Variants in GAB1 observed in about 807,000 individuals in gnomAD.
The protein encoded by GAB1 is GRB2-associated-binding protein 1.
GAB1 carries 19 observed loss-of-function variants against 66.5 expected under a neutral mutation model. That is an observed-to-expected ratio of 0.29 (90% CI 0.20 to 0.42). The LOEUF (loss-of-function observed/expected upper bound fraction) is 0.42, where lower values mean the gene tolerates loss of function less well. GAB1 is among the 10% of genes least tolerant of loss of function. The probability of loss-of-function intolerance (pLI) is 1.00; values close to 1 mark genes in which losing one functional copy is unlikely to be tolerated. For missense variants in GAB1, 732 were observed against 858.5 expected, an observed-to-expected ratio of 0.85 and a Z score of 1.84; for synonymous variants, 294 against 301.4, an observed-to-expected ratio of 0.98 and a Z score of 0.25.
chr4:143,425,758 C>T (rs1733317753), intron 2 of GAB1: 1 of 763,832 alleles, frequency 1.3e-6, no homozygotes, highest in Non-Finnish European at 2.4e-6. Context: ...CCTGAGTTCA[C>T]TGCTACTCAG....
intron 8 of GAB1, 90 bp from the exon 9 acceptor site, chr4:143,466,013 C>G (rs1653113059): frequency 5.6e-6 from 8 of 1,423,292 alleles, no homozygotes; most frequent in Non-Finnish European, 7.6e-6. Flanking sequence ...CTCTTGAAAG[C>G]AAATATTTAG....
intron 1 of GAB1, among the ~76,000 whole-genome samples, chr4:143,384,561 C>T (rs946761124): frequency 1.3e-5 from 2 of 152,148 alleles, no homozygotes; most frequent in Non-Finnish European, 1.5e-5. Flanking sequence ...TCCTCATGAT[C>T]GATGCCAAGC....
At chr4:143,340,440 A>T (rs11735159) in intron 1 of GAB1, among the ~76,000 whole-genome samples, 1 of 152,200 alleles carries the variant, frequency 6.6e-6, no homozygotes, top group Non-Finnish European at 1.5e-5. Flanking sequence ...CAGCATTTAT[A>T]GGGTAGTCCG....
intron 1 of GAB1, among the ~76,000 whole-genome samples, chr4:143,401,626 T>C (rs1731777785): frequency 6.6e-6 from 1 of 152,166 alleles, no homozygotes; most frequent in Non-Finnish European, 1.5e-5. Flanking sequence ...AATTCTAGCA[T>C]GGTAAGCAAG....
intron 1 of GAB1, among the ~76,000 whole-genome samples, chr4:143,339,086 T>C (rs13133540): frequency 0.097 from 14,697 of 152,298 alleles, 788 homozygotes; most frequent in African/African-American, 0.14. Context: ...ATTTGATCAT[T>C]ACAACTGTTT....
intron 1 of GAB1, among the ~76,000 whole-genome samples, chr4:143,385,298 C>T (rs1209186923): frequency 1.3e-5 from 2 of 152,224 alleles, no homozygotes; most frequent in East Asian, 1.9e-4. Flanking sequence ...CATCTGACCT[C>T]CCTGTGTAGG....
chr4:143,387,239 C>G (rs1421842034), intron 1 of GAB1, among the ~76,000 whole-genome samples: 1 of 152,194 alleles, frequency 6.6e-6, no homozygotes, highest in Non-Finnish European at 1.5e-5. Flanking sequence ...TCAAGCAATT[C>G]TCCTGCCTCA....
chr4:143,388,812 T>C (rs927498031), intron 1 of GAB1, among the ~76,000 whole-genome samples: 1 of 152,208 alleles, frequency 6.6e-6, no homozygotes, highest in African/African-American at 2.4e-5. Flanking sequence ...AAAAATCTAT[T>C]TAACTGTTTT....
chr4:143,409,410 T>A (rs1008979915), intron 1 of GAB1, among the ~76,000 whole-genome samples: 2 of 147,344 alleles, frequency 1.4e-5, no homozygotes, highest in Non-Finnish European at 3.0e-5. Context: ...CTGAAATCTT[T>A]TCATTTAGTC....
At chr4:143,365,735 G>T (rs944257861) in intron 1 of GAB1, among the ~76,000 whole-genome samples, 1 of 152,204 alleles carries the variant, frequency 6.6e-6, no homozygotes. Context: ...GGGAGCTTTC[G>T]TGGCTGGCCA....
At chr4:143,445,763 T>A (rs1235634994) in intron 6 of GAB1, among the ~76,000 whole-genome samples, 8 of 152,138 alleles carry the variant, frequency 5.3e-5, no homozygotes, top group African/African-American at 1.7e-4. Flanking sequence ...GTTTACATGG[T>A]GAATCACATT....
intron 1 of GAB1, among the ~76,000 whole-genome samples, chr4:143,350,673 C>A (rs1366111177): frequency 3.6e-5 from 4 of 112,540 alleles, no homozygotes; most frequent in Non-Finnish European, 7.3e-5. Flanking sequence ...CGTGAAACTC[C>A]GTCTCAAAAA....
chr4:143,471,731 T>C lies in GAB1; in HGVS notation c.*2542T>C, dbSNP rs1188994986. ...CATACATCTCAGGAAATTCTTTAAT[T>C]AGAGATAGCTAAAGTTATTCAAGGT... On this transcript the variant is annotated 3_prime_UTR_variant, in exon 10 of 10. Coordinates refer to ENST00000262994, the MANE Select transcript of GAB1 (RefSeq NM_002039.4). The C allele has an allele frequency of 6.6e-6, 1 of 152,180 alleles. No individual in the cohort carries two copies. The highest frequency in any genetic ancestry group is 1.5e-5 in the Non-Finnish European group (1 of 68,006). 9.4% of individuals were successfully genotyped at this position (152,180 alleles called of 1,614,324 possible).
At chr4:143,429,968 A>G (rs562752794) in intron 2 of GAB1, among the ~76,000 whole-genome samples, 129 of 152,242 alleles carry the variant, frequency 8.5e-4, no homozygotes, top group Non-Finnish European at 4.4e-4. Context: ...GGACTCTGAT[A>G]AACAAAGATC....
chr4:143,457,731 A>G (rs373393887), intron 6 of GAB1: 4 of 1,579,832 alleles, frequency 2.5e-6, no homozygotes, highest in Admixed American at 2.0e-5. Flanking sequence ...GAGCGAACTG[A>G]TTCACAAACC....
intron 1 of GAB1, among the ~76,000 whole-genome samples, chr4:143,413,869 C>T (rs976386604): frequency 4.2e-5 from 5 of 120,374 alleles, no homozygotes; most frequent in Non-Finnish European, 7.9e-5. Context: ...CTTCTTCTGT[C>T]CAGGCTGGAG....
chr4:143,448,129 A>G (rs1413069290), intron 6 of GAB1, among the ~76,000 whole-genome samples: 1 of 151,884 alleles, frequency 6.6e-6, no homozygotes, highest in African/African-American at 2.4e-5. Context: ...CTTGCATCCC[A>G]GGGATGAAGC....
chr4:143,411,024 G>A (rs1732356806), intron 1 of GAB1, among the ~76,000 whole-genome samples: 2 of 152,158 alleles, frequency 1.3e-5, no homozygotes, highest in Admixed American at 6.5e-5. Context: ...AAATCTAGGG[G>A]GTAGATTTTG....
At chr4:143,415,804 T>C (rs1732648179) in intron 2 of GAB1, 33 bp downstream of exon 2, 1 of 1,437,000 alleles carries the variant, frequency 7.0e-7, no homozygotes, top group Admixed American at 2.2e-5. Context: ...CAACTTGAAT[T>C]CTTCTTTTCT....
Sources: gnomAD v4.1 joint callset for allele counts (sites outside exome capture counted in the v4.1 genomes callset) on GRCh38, gnomAD v4.1.1 for gene constraint, MANE v1.5 for transcripts, NCBI Gene and HGNC (gene_info 2026-07-23, HGNC 2026-07-21) for gene names.